The following XDH variants were observed in gnomAD, a reference collection of about 807,000 sequenced individuals.
XDH encodes xanthine dehydrogenase/oxidase.
A neutral mutation model predicts 156.1 loss-of-function variants in XDH; 138 were observed. That is an observed-to-expected ratio of 0.88 (90% CI 0.77 to 1.02). XDH has a LOEUF of 1.02. XDH is among the 50% of genes least tolerant of loss of function. The pLI is 0.00. For synonymous variants in XDH, 669 were observed against 625.7 expected, an observed-to-expected ratio of 1.07 and a Z score of -1.03; for missense variants, 1,849 against 1,684.9, an observed-to-expected ratio of 1.10 and a Z score of -1.71.
intron 24 of XDH, among the ~76,000 whole-genome samples, chr2:31,361,546 A>C (rs1213264000): frequency 1.3e-5 from 2 of 152,212 alleles, no homozygotes; most frequent in Admixed American, 1.3e-4. Context: ...GCTTTGAAGC[A>C]GAACAAAAAA....
At chr2:31,356,217 T>C (rs1356315888) in intron 24 of XDH, among the ~76,000 whole-genome samples, 1 of 151,986 alleles carries the variant, frequency 6.6e-6, no homozygotes, top group African/African-American at 2.4e-5. Flanking sequence ...TAGCAAAAAA[T>C]AGACAGAAAA....
intron 13 of XDH, among the ~76,000 whole-genome samples, chr2:31,377,643 G>A (rs1686281634): frequency 6.6e-6 from 1 of 152,072 alleles, no homozygotes; most frequent in South Asian, 2.1e-4. Flanking sequence ...GGGGACTGAG[G>A]CTGTTTGGCC....
intron 6 of XDH, among the ~76,000 whole-genome samples, chr2:31,388,759 C>T (rs1686681958): frequency 6.6e-6 from 1 of 152,136 alleles, no homozygotes; most frequent in African/African-American, 2.4e-5. Flanking sequence ...CAAAGGATGT[C>T]CAAGACGGGT....
intron 14 of XDH, among the ~76,000 whole-genome samples, 193 bp downstream of exon 14, chr2:31,376,860 G>T (rs573084485): frequency 6.2e-4 from 93 of 150,636 alleles, no homozygotes; most frequent in African/African-American, 2.2e-3. Flanking sequence ...AGTAGTATCG[G>T]TAATAGTAGT....
Position 31,337,829 on chromosome 2 carries a change from C to T in XDH, c.3775-12G>A. The T allele has an allele frequency of 6.2e-7, 1 of 1,613,388 alleles. No individual in the cohort carries two copies. Among genetic ancestry groups the T allele is most frequent in the African/African-American group, 1.3e-5 (1 of 75,012 alleles). On this transcript the variant is annotated splice_polypyrimidine_tract_variant and intron_variant, in intron 34 of 35. Transcript: ENST00000379416. ...GGCTCTCCAACAGCCTGAACACAGA[C>T]AGGGCACAGGGCAGGGGCTCAGGCA...
At chr2:31,382,656 T>C (rs1372495417) in intron 11 of XDH, among the ~76,000 whole-genome samples, 1 of 151,878 alleles carries the variant, frequency 6.6e-6, no homozygotes, top group Non-Finnish European at 1.5e-5. Context: ...CTTGTTCACC[T>C]ACTGTTTGGC....
At chr2:31,342,075 G>T in intron 32 of XDH, 108 bp downstream of exon 32, 1 of 999,138 alleles carries the variant, frequency 1.0e-6, no homozygotes, top group Admixed American at 1.9e-5. Flanking sequence ...TTAATGGAAG[G>T]CATTATTTTT....
intron 27 of XDH, 110 bp from the exon 28 acceptor site, chr2:31,348,473 T>G (rs977837135): frequency 9.6e-7 from 1 of 1,041,882 alleles, no homozygotes; most frequent in Non-Finnish European, 1.5e-6. Flanking sequence ...GCATTTTGGA[T>G]GTAAACCTCA....
At chr2:31,363,612 G>A (rs892163087) in intron 24 of XDH, among the ~76,000 whole-genome samples, 2 of 152,248 alleles carry the variant, frequency 1.3e-5, no homozygotes, top group East Asian at 1.9e-4. Flanking sequence ...TTTATGGTAT[G>A]TAAATTATAC....
At chr2:31,402,631 G>T (rs1687092479) in intron 3 of XDH, among the ~76,000 whole-genome samples, 1 of 152,094 alleles carries the variant, frequency 6.6e-6, no homozygotes, top group South Asian at 2.1e-4. Flanking sequence ...AGCAATTAGT[G>T]GGCCTGTGTC....
chr2:31,372,565 T>C (rs528894516), intron 16 of XDH, among the ~76,000 whole-genome samples, 168 bp from the exon 17 acceptor site: 3 of 152,314 alleles, frequency 2.0e-5, no homozygotes, highest in African/African-American at 7.2e-5. Flanking sequence ...GCATAAGTGA[T>C]AGCAAGGGTG....
chr2:31,344,711 A>G lies in XDH; in HGVS notation c.3377T>C (p.Val1126Ala). The change falls in exon 31 of 36, where the codon GTG becomes GCG. Residue 1126 changes from valine to alanine, a missense_variant. Physicochemically the swap from Val to Ala is moderately conservative, Grantham distance 64. Transcript: ENST00000379416. ...ATAAAACCCAGTGGCAGACAAGCTCACTGTGTCCATGTAGGCAGCTGTGAC... is the reference window on the plus strand; with the variant it reads ...ATAAAACCCAGTGGCAGACAAGCTCGCTGTGTCCATGTAGGCAGCTGTGAC... ...DWVTAAYMDTVSLSATGFYRT... is the reference protein window; with the variant it reads ...DWVTAAYMDTASLSATGFYRT... 6.2e-7 allele frequency: 1 copy of G among 1,613,294 alleles called. No individual in the cohort carries two copies. Among genetic ancestry groups the G allele is most frequent in the East Asian group, 2.2e-5 (1 of 44,872 alleles).
intron 13 of XDH, among the ~76,000 whole-genome samples, chr2:31,378,119 G>GAAAGAAAGAAAGAAAGAAA (rs1558696689): frequency 1.9e-4 from 7 of 36,566 alleles, no homozygotes; most frequent in African/African-American, 5.5e-4. Flanking sequence ...AGGAAGGAAG[G>GAAAGAAAGAAAGAAAGAAA]AAGGAAGGAA....
intron 29 of XDH, among the ~76,000 whole-genome samples, 197 bp downstream of exon 29, chr2:31,347,325 G>A (rs941408747): frequency 6.6e-6 from 1 of 152,152 alleles, no homozygotes; most frequent in African/African-American, 2.4e-5. Flanking sequence ...CAGCTTTGAG[G>A]GCAGTGATTA....
intron 31 of XDH, among the ~76,000 whole-genome samples, chr2:31,344,334 C>A (rs899131500): frequency 3.3e-5 from 5 of 152,132 alleles, no homozygotes; most frequent in African/African-American, 1.2e-4. Flanking sequence ...TGCAGGAGAA[C>A]ACTGAGGGAG....
chr2:31,411,824 T>C (rs1322542151), intron 1 of XDH, among the ~76,000 whole-genome samples: 1 of 152,226 alleles, frequency 6.6e-6, no homozygotes, highest in African/African-American at 2.4e-5. Context: ...CTCTAACTAG[T>C]ATATGGGCTC....
chr2:31,367,994 T>A lies in XDH; in HGVS notation c.2164A>T (p.Lys722Ter), dbSNP rs72549367. 17 of 1,614,032 alleles carry A rather than the reference T, an allele frequency of 1.1e-5. No homozygotes were observed. In the Admixed American group the frequency reaches 1.7e-4, roughly 16 times the overall value. ...ELKIEKGDLK[K>*]GFSEADNVVS... ...ACATTATCTGCTTCGGAAAACCCCT[T>A]CTTTAGGTCCCCTTTCTCGATCTTC... is the stretch of plus-strand genomic sequence containing the variant. The change falls in exon 20 of 36, where the codon AAG (lysine) becomes TAG (stop). Residue 722 changes from lysine (K) to a stop codon, truncating the protein, a stop_gained. Coordinates refer to ENST00000379416, the MANE Select transcript of XDH (RefSeq NM_000379.4). LOFTEE classifies it high-confidence loss of function.
chr2:31,367,793 C>T (rs918294591), intron 20 of XDH, among the ~76,000 whole-genome samples, 168 bp downstream of exon 20: 2 of 152,176 alleles, frequency 1.3e-5, no homozygotes, highest in Non-Finnish European at 2.9e-5. Context: ...ATAACTGAAG[C>T]TCTTTCCCAT....
chr2:31,391,641 T>C (rs1272451584), intron 6 of XDH, among the ~76,000 whole-genome samples: 1 of 152,206 alleles, frequency 6.6e-6, no homozygotes, highest in Non-Finnish European at 1.5e-5. Context: ...GAAATATCTC[T>C]CCATTTGTTT....
Sources: gnomAD v4.1 joint callset for allele counts (sites outside exome capture counted in the v4.1 genomes callset) on GRCh38, gnomAD v4.1.1 for gene constraint, MANE v1.5 for transcripts, NCBI Gene and HGNC (gene_info 2026-07-23, HGNC 2026-07-21) for gene names.